LHFPL3: variants seen among roughly 807,000 people sequenced by gnomAD.
LHFPL3 encodes LHFPL tetraspan subfamily member 3.
Under a neutral mutation model 19.3 loss-of-function variants are expected in LHFPL3, and 5 were observed. The observed-to-expected ratio is 0.26, with a 90% CI of 0.14 to 0.54. The LOEUF (loss-of-function observed/expected upper bound fraction) is 0.54, where lower values mean the gene tolerates loss of function less well. Among genes scored for constraint, LHFPL3 ranks in the 20% least tolerant of loss-of-function variants. LHFPL3 has a pLI of 0.94. For missense variants in LHFPL3, 249 were observed against 307.4 expected, an observed-to-expected ratio of 0.81 and a Z score of 1.42; for synonymous variants, 133 against 126.2, an observed-to-expected ratio of 1.05 and a Z score of -0.36.
chr7:104,413,182 C>G (rs1791564084), intron 1 of LHFPL3, among the ~76,000 whole-genome samples: 1 of 152,210 alleles, frequency 6.6e-6, no homozygotes, highest in African/African-American at 2.4e-5. Context: ...CCTTCCCTGT[C>G]AGACCAAACT....
chr7:104,590,009 T>G (rs1790674416), intron 1 of LHFPL3, among the ~76,000 whole-genome samples: 1 of 152,192 alleles, frequency 6.6e-6, no homozygotes, highest in South Asian at 2.1e-4. Flanking sequence ...TCTTTTATTC[T>G]TTAGTAGTCT....
intron 1 of LHFPL3, among the ~76,000 whole-genome samples, chr7:104,586,087 A>T (rs1212179430): frequency 6.6e-6 from 1 of 152,118 alleles, no homozygotes; most frequent in Non-Finnish European, 1.5e-5. Context: ...TGAAAATCTG[A>T]ATTAGGATAT....
At chr7:104,484,613 T>TTTGTGC (rs1226205936) in intron 1 of LHFPL3, among the ~76,000 whole-genome samples, 2 of 152,246 alleles carry the variant, frequency 1.3e-5, no homozygotes, top group African/African-American at 4.8e-5. Flanking sequence ...CTTGGTCCAT[T>TTTGTGC]TTGTGCTGCT....
intron 1 of LHFPL3, among the ~76,000 whole-genome samples, chr7:104,486,782 T>C (rs1446295607): frequency 2.6e-5 from 4 of 152,182 alleles, no homozygotes; most frequent in Non-Finnish European, 4.4e-5. Flanking sequence ...ATTAATTTCT[T>C]CCTTTGCTTT....
chr7:104,439,178 G>T (rs561879201), intron 1 of LHFPL3, among the ~76,000 whole-genome samples: 1 of 152,134 alleles, frequency 6.6e-6, no homozygotes, highest in Admixed American at 6.6e-5. Flanking sequence ...ATTAAGGAAG[G>T]AATTGATCCT....
intron 1 of LHFPL3, among the ~76,000 whole-genome samples, chr7:104,440,073 T>C (rs997963829): frequency 6.7e-6 from 1 of 150,174 alleles, no homozygotes; most frequent in African/African-American, 2.5e-5. Context: ...ATATACCCAA[T>C]GCTAAATGAT....
intron 2 of LHFPL3, among the ~76,000 whole-genome samples, chr7:104,854,142 T>C (rs1791458746): frequency 1.3e-5 from 2 of 152,108 alleles, no homozygotes. Context: ...CCCAGAGACA[T>C]GAGCAAATTT....
In LHFPL3 at chr7:104,456,149, G is replaced by A. The variant is rs369661929; in HGVS notation, c.445+126925G>A. ...ACTCTACAAATAATGAAAGAATAAC[G>A]TAACTATGTATATACCTTTAATTTT... On this transcript the variant is annotated intron_variant, in intron 1 of 2. Coordinates refer to ENST00000424859, the MANE Select transcript of LHFPL3 (RefSeq NM_199000.3). Among the ~76,000 whole-genome samples, 5 of 152,146 alleles carry A rather than the reference G, an allele frequency of 3.3e-5. No individual in the cohort carries two copies. The South Asian group carries it at 6.2e-4, about 19-fold the overall frequency.
intron 1 of LHFPL3, among the ~76,000 whole-genome samples, chr7:104,568,835 G>A (rs1328050933): frequency 6.6e-6 from 1 of 152,180 alleles, no homozygotes; most frequent in Non-Finnish European, 1.5e-5. Flanking sequence ...GTAAAACAAT[G>A]CTCAGTTAGT....
intron 1 of LHFPL3, among the ~76,000 whole-genome samples, chr7:104,338,324 C>T (rs1275824004): frequency 6.6e-6 from 1 of 152,018 alleles, no homozygotes; most frequent in East Asian, 1.9e-4. Context: ...TGGTCTCGAT[C>T]TCCTGACCTC....
intron 1 of LHFPL3, among the ~76,000 whole-genome samples, chr7:104,341,703 A>G (rs745913546): frequency 6.6e-6 from 1 of 152,158 alleles, no homozygotes; most frequent in Non-Finnish European, 1.5e-5. Context: ...CACCAGCCCC[A>G]GTTCACTTTG....
chr7:104,404,160 G>A (rs576190332), intron 1 of LHFPL3, among the ~76,000 whole-genome samples: 2 of 152,088 alleles, frequency 1.3e-5, no homozygotes, highest in Admixed American at 6.6e-5. Context: ...GAGTACTACC[G>A]TGCTGTAGAT....
At chr7:104,408,437 A>G (rs4730007) in intron 1 of LHFPL3, among the ~76,000 whole-genome samples, 56,758 of 151,634 alleles carry the variant, frequency 0.37, 11,148 homozygotes, top group Admixed American at 0.51. Context: ...CAATTCGCTC[A>G]CTGGATCTTC....
intron 1 of LHFPL3, among the ~76,000 whole-genome samples, chr7:104,490,553 T>C (rs1430285987): frequency 6.6e-6 from 1 of 152,008 alleles, no homozygotes; most frequent in Non-Finnish European, 1.5e-5. Context: ...TTCTCTCTGG[T>C]ACCATTAGGC....
chr7:104,579,234 T>C (rs12705233), intron 1 of LHFPL3, among the ~76,000 whole-genome samples: 20,848 of 152,182 alleles, frequency 0.14, 1,614 homozygotes, highest in South Asian at 0.19. Context: ...ATGCCAGGAT[T>C]TGGGCTTCTA....
At chr7:104,355,652 A>G (rs548204470) in intron 1 of LHFPL3, among the ~76,000 whole-genome samples, 1 of 152,360 alleles carries the variant, frequency 6.6e-6, no homozygotes, top group South Asian at 2.1e-4. Flanking sequence ...AACCAACCTT[A>G]GAAAAATAAA....
At chr7:104,733,667 T>C (rs2116290736) in intron 1 of LHFPL3, among the ~76,000 whole-genome samples, 2 of 152,262 alleles carry the variant, frequency 1.3e-5, no homozygotes, top group African/African-American at 2.4e-5. Flanking sequence ...GGTCTTGACT[T>C]TTTATCCAAT....
chr7:104,750,540 A>T (rs938387052), intron 2 of LHFPL3, among the ~76,000 whole-genome samples: 2 of 152,254 alleles, frequency 1.3e-5, no homozygotes, highest in Non-Finnish European at 2.9e-5. Context: ...TATGAATTTG[A>T]ACTCCTTTTA....
At chr7:104,769,021 C>G (rs760850597) in intron 2 of LHFPL3, 37 of 152,194 alleles carry the variant, frequency 2.4e-4, no homozygotes, top group Non-Finnish European at 4.0e-4. Context: ...TTCCCTCTGT[C>G]ATTGGGGAAA....
Sources: allele counts gnomAD v4.1 joint callset (sites outside exome capture counted in the v4.1 genomes callset), GRCh38; gene constraint gnomAD v4.1.1; transcripts MANE v1.5; gene names NCBI Gene and HGNC (gene_info 2026-07-23, HGNC 2026-07-21).